NEMP2: variants seen among roughly 807,000 people sequenced by gnomAD.
NEMP2 encodes the protein UPF0571 transmembrane protein.
Under a neutral mutation model 54.2 loss-of-function variants are expected in NEMP2, and 53 were observed. That is an observed-to-expected ratio of 0.98 (90% CI 0.78 to 1.23). The LOEUF (loss-of-function observed/expected upper bound fraction) is 1.23, where lower values mean the gene tolerates loss of function less well. Ranked by LOEUF, NEMP2 falls within the 50% of genes most tolerant of loss-of-function variation. NEMP2 has a pLI of 0.00. For synonymous variants in NEMP2, 197 were observed against 190.3 expected (o/e 1.04, Z -0.29); for missense variants, 455 against 511.3 (o/e 0.89, Z 1.06).
chr2:190,489,804 G>T, the NEMP2 span: 3 of 1,614,204 alleles, frequency 1.9e-6, no homozygotes, highest in East Asian at 4.5e-5. The surrounding 1 kb of genome is among the most constrained non-coding windows in gnomAD (Gnocchi z 6.6). Flanking sequence ...GGCATGGCCT[G>T]CTTGGTGATC....
the NEMP2 span, among the ~76,000 whole-genome samples, chr2:190,457,247 C>T: frequency 6.6e-6 from 1 of 152,176 alleles, no homozygotes; most frequent in Non-Finnish European, 1.5e-5. The surrounding 1 kb of genome is among the most constrained non-coding windows in gnomAD (Gnocchi z 5.1). Flanking sequence ...GACTTTGTGG[C>T]CCCGGTCCAC....
At chr2:190,446,655 C>T in the NEMP2 span, among the ~76,000 whole-genome samples, 7 of 152,126 alleles carry the variant, frequency 4.6e-5, no homozygotes, top group South Asian at 2.1e-4. Context: ...ACATGGACTA[C>T]GAACTAGAAA....
the NEMP2 span, among the ~76,000 whole-genome samples, chr2:190,461,294 T>C: frequency 6.6e-6 from 1 of 152,182 alleles, no homozygotes; most frequent in East Asian, 1.9e-4. This position sits in a 1 kb window ranked among gnomAD's most constrained non-coding sequence, Gnocchi z 5.5. Flanking sequence ...AAAGTAGACA[T>C]GCACTTGGAA....
At chr2:190,488,534 T>A in the NEMP2 span, 1 of 923,792 alleles carries the variant, frequency 1.1e-6, no homozygotes, top group Non-Finnish European at 1.5e-6. The surrounding 1 kb of genome is among the most constrained non-coding windows in gnomAD (Gnocchi z 6.4). Context: ...GGTAAATTTT[T>A]AATGTATGTT....
the NEMP2 span, among the ~76,000 whole-genome samples, chr2:190,584,935 GAAAGAAAGAA>G: frequency 1.3e-5 from 2 of 148,536 alleles, no homozygotes; most frequent in African/African-American, 5.0e-5. The surrounding 1 kb of genome is among the most constrained non-coding windows in gnomAD (Gnocchi z 4.2). Context: ...AAGAAAGAAA[GAAAGAAAGAA>G]AGAAAGAAAG....
At chr2:190,516,215 G>C (rs1690549578) in intron 6 of NEMP2, 55 bp downstream of exon 6, 2 of 1,276,854 alleles carry the variant, frequency 1.6e-6, no homozygotes, top group Non-Finnish European at 2.2e-6. Context: ...AAGGCCTCTA[G>C]TTGTACATCT....
At chr2:190,627,255 G>T in the NEMP2 span, among the ~76,000 whole-genome samples, 1 of 152,290 alleles carries the variant, frequency 6.6e-6, no homozygotes, top group South Asian at 2.1e-4. The surrounding 1 kb of genome is among the most constrained non-coding windows in gnomAD (Gnocchi z 4.4). Flanking sequence ...GCAGTATTTT[G>T]CTTTATAAGA....
the NEMP2 span, among the ~76,000 whole-genome samples, chr2:190,618,231 G>A: frequency 6.6e-6 from 1 of 151,560 alleles, no homozygotes; most frequent in South Asian, 2.1e-4. Context: ...AGTGTAGACC[G>A]AGTTACAAAT....
the NEMP2 span, among the ~76,000 whole-genome samples, chr2:190,620,765 G>A: frequency 5.1e-4 from 78 of 152,160 alleles, 2 homozygotes; most frequent in African/African-American, 1.8e-3. This position sits in a 1 kb window ranked among gnomAD's most constrained non-coding sequence, Gnocchi z 4.9. Flanking sequence ...CTCTAGACAA[G>A]GCAATTAGAC....
chr2:190,467,459 A>G, the NEMP2 span, among the ~76,000 whole-genome samples: 11 of 152,324 alleles, frequency 7.2e-5, no homozygotes, highest in East Asian at 2.1e-3. This position sits in a 1 kb window ranked among gnomAD's most constrained non-coding sequence, Gnocchi z 5.5. Flanking sequence ...CTAAAAATAC[A>G]AAAATTAGCC....
rs562990674 is a variant in NEMP2, at chr2:190,514,035, A to G, written c.953+418T>C. ...CCTAAGAGAAAAGAAAGTCCTAAATACAAATAATACCTTTCAGTCATTTAT... is the reference window on the plus strand; with the variant it reads ...CCTAAGAGAAAAGAAAGTCCTAAATGCAAATAATACCTTTCAGTCATTTAT... On this transcript the variant is annotated intron_variant, in intron 7 of 8. Transcript: ENST00000409150. This position sits in a 1 kb window ranked among gnomAD's most constrained non-coding sequence, Gnocchi z 5.7. Among the ~76,000 whole-genome samples the G allele has an allele frequency of 6.6e-6, 1 of 152,380 alleles. No individual in the cohort carries two copies. Among genetic ancestry groups the G allele is most frequent in the South Asian group, 2.1e-4 (1 of 4,832 alleles).
In NEMP2 at chr2:190,509,165, T is replaced by C; in HGVS notation, c.*24A>G. Reference sequence around the variant, plus strand: ...CCTTTGCCCACTTCCTTGTCCAGAATGAAGTCAACTTGAAGGTCGCATGTC... The same window carrying C: ...CCTTTGCCCACTTCCTTGTCCAGAACGAAGTCAACTTGAAGGTCGCATGTC... On this transcript the variant is annotated 3_prime_UTR_variant, in exon 9 of 9. Coordinates refer to ENST00000409150, the MANE Select transcript of NEMP2 (RefSeq NM_001142645.2). This position sits in a 1 kb window ranked among gnomAD's most constrained non-coding sequence, Gnocchi z 6.1. 6.4e-7 allele frequency: 1 copy of C among 1,551,382 alleles called. No homozygotes were observed. Among genetic ancestry groups the C allele is most frequent in the Non-Finnish European group, 8.7e-7 (1 of 1,146,850 alleles).
At chr2:190,574,863 T>G in the NEMP2 span, among the ~76,000 whole-genome samples, 21 of 144,570 alleles carry the variant, frequency 1.5e-4, no homozygotes, top group Non-Finnish European at 2.3e-4. Flanking sequence ...TTTCTTTGCT[T>G]TTCTTTGCTT....
At chr2:190,524,473 T>C (rs1454959430) in intron 2 of NEMP2, among the ~76,000 whole-genome samples, 2 of 152,120 alleles carry the variant, frequency 1.3e-5, no homozygotes, top group African/African-American at 2.4e-5. Flanking sequence ...ATGGTATCAA[T>C]TGACATCAAA....
the NEMP2 span, among the ~76,000 whole-genome samples, chr2:190,580,621 T>C: frequency 6.6e-6 from 1 of 152,184 alleles, no homozygotes; most frequent in Non-Finnish European, 1.5e-5. This position sits in a 1 kb window ranked among gnomAD's most constrained non-coding sequence, Gnocchi z 5.3. Flanking sequence ...GCCTTTCCCA[T>C]GGAAGTCTTT....
In NEMP2 at chr2:190,530,075, T is replaced by C. The variant is rs1691090236; in HGVS notation, c.97+4484A>G. ...AAGCTTCTTTTGTTTGACTCATATA[T>C]GATACATCAGTGTATTCTGGGTAAG... On this transcript the variant is annotated intron_variant, in intron 1 of 8. Transcript: ENST00000409150. This position sits in a 1 kb window ranked among gnomAD's most constrained non-coding sequence, Gnocchi z 4.6. Among the ~76,000 whole-genome samples the C allele has an allele frequency of 6.6e-6, 1 of 152,250 alleles. No homozygotes were observed. The highest frequency in any genetic ancestry group is 6.5e-5 in the Admixed American group (1 of 15,292).
At chr2:190,539,530 C>T (rs1488092362), upstream of NEMP2, among the ~76,000 whole-genome samples, 1 of 152,040 alleles carries the variant, frequency 6.6e-6, no homozygotes, top group African/African-American at 2.4e-5. This position sits in a 1 kb window ranked among gnomAD's most constrained non-coding sequence, Gnocchi z 4.1. Context: ...TTGTAGATCA[C>T]TTTGGGCAGT....
the NEMP2 span, among the ~76,000 whole-genome samples, chr2:190,448,692 A>G: frequency 6.6e-6 from 1 of 152,260 alleles, no homozygotes; most frequent in African/African-American, 2.4e-5. Context: ...CTCTAAATTC[A>G]CAGTTGCCCT....
chr2:190,422,525 ATAAT>A, the NEMP2 span, among the ~76,000 whole-genome samples: 1 of 152,206 alleles, frequency 6.6e-6, no homozygotes, highest in African/African-American at 2.4e-5. Flanking sequence ...AACTCAAGTA[ATAAT>A]TTGGCTACAT....
Sources: allele counts gnomAD v4.1 joint callset (sites outside exome capture counted in the v4.1 genomes callset), GRCh38; gene constraint gnomAD v4.1.1; non-coding constraint Gnocchi (gnomAD v3.1); transcripts MANE v1.5; gene names NCBI Gene and HGNC (gene_info 2026-07-23, HGNC 2026-07-21).